The following LRP1B variants were observed in gnomAD, a reference collection of about 807,000 sequenced individuals.
LRP1B encodes the protein low-density lipoprotein receptor-related protein 1B.
In LRP1B, 217 loss-of-function variants were observed where a neutral mutation model predicts 556.6. The ratio of observed to expected loss-of-function variants is 0.39; its 90% CI spans 0.35 to 0.44. The LOEUF (loss-of-function observed/expected upper bound fraction) is 0.44, where lower values mean the gene tolerates loss of function less well. Among genes scored for constraint, LRP1B ranks in the 20% least tolerant of loss-of-function variants. The pLI, the probability that LRP1B is intolerant of heterozygous loss-of-function variation, is 1.00. For missense variants in LRP1B, 5,053 were observed against 5,620.8 expected, an observed-to-expected ratio of 0.90 and a Z score of 3.23; for synonymous variants, 2,047 against 1,865.8, an observed-to-expected ratio of 1.10 and a Z score of -2.50.
At chr2:140,378,366 T>C (rs1210045264) in intron 67 of LRP1B, 80 bp from the exon 68 acceptor site, 1 of 718,618 alleles carries the variant, frequency 1.4e-6, no homozygotes. Context: ...TGACATGAGG[T>C]AGCATTAAAG....
intron 72 of LRP1B, among the ~76,000 whole-genome samples, chr2:140,363,233 A>G (rs969276669): frequency 4.0e-5 from 6 of 151,634 alleles, no homozygotes; most frequent in African/African-American, 1.5e-4. Context: ...AATTTCTGGC[A>G]CATAATAGCT....
chr2:140,274,899 T>A (rs1002473585), intron 84 of LRP1B, among the ~76,000 whole-genome samples: 1 of 151,998 alleles, frequency 6.6e-6, no homozygotes, highest in Non-Finnish European at 1.5e-5. Context: ...TTCTTTCTAA[T>A]GAACAACGTA....
chr2:141,637,939 A>G (rs1689163063), intron 2 of LRP1B, among the ~76,000 whole-genome samples: 2 of 152,174 alleles, frequency 1.3e-5, no homozygotes, highest in South Asian at 4.1e-4. Flanking sequence ...CTTTAAATAT[A>G]TCTGTAATCC....
intron 18 of LRP1B, among the ~76,000 whole-genome samples, chr2:140,978,570 C>T (rs1696672849): frequency 6.6e-6 from 1 of 151,974 alleles, no homozygotes; most frequent in Non-Finnish European, 1.5e-5. Flanking sequence ...AGTATATTGT[C>T]AAATAGGGTG....
intron 2 of LRP1B, among the ~76,000 whole-genome samples, chr2:141,783,302 G>C (rs1219881223): frequency 6.6e-6 from 1 of 152,050 alleles, no homozygotes; most frequent in Non-Finnish European, 1.5e-5. Flanking sequence ...AGATCAGAGA[G>C]AGAGGAGTTC....
At chr2:142,084,671 C>G (rs534961510) in intron 1 of LRP1B, among the ~76,000 whole-genome samples, 2 of 152,130 alleles carry the variant, frequency 1.3e-5, no homozygotes, top group Admixed American at 6.5e-5. Context: ...CTACTTTTAC[C>G]AATAACATCT....
rs56889775 is a variant in LRP1B, at chr2:140,796,053, ATATC to A, written c.5359+17600_5359+17603del. On this transcript the variant is annotated intron_variant, in intron 32 of 90. Coordinates refer to ENST00000389484, the MANE Select transcript of LRP1B (RefSeq NM_018557.3). ...TATGTAACAATTATGTCCCTGCTCT[ATATC>A]TATCTATCTATCTATCTATGTCTAT... Among the ~76,000 whole-genome samples the A allele has an allele frequency of 2.5e-3, 373 of 151,146 alleles. 5 individuals carry two copies. Among genetic ancestry groups the A allele is most frequent in the African/African-American group, 8.4e-3 (347 of 41,416 alleles).
intron 2 of LRP1B, among the ~76,000 whole-genome samples, chr2:141,766,044 A>G (rs1694722303): frequency 6.6e-6 from 1 of 152,182 alleles, no homozygotes; most frequent in Non-Finnish European, 1.5e-5. Flanking sequence ...CCATTTCTAT[A>G]CCATGCCCTC....
At chr2:141,855,099 G>A (rs1574431181) in intron 1 of LRP1B, among the ~76,000 whole-genome samples, 2 of 152,140 alleles carry the variant, frequency 1.3e-5, no homozygotes, top group South Asian at 4.1e-4. Flanking sequence ...GGAAGAAGGT[G>A]GAGGCTGACC....
chr2:141,535,358 G>C (rs1374790757), intron 2 of LRP1B, among the ~76,000 whole-genome samples: 1 of 151,982 alleles, frequency 6.6e-6, no homozygotes, highest in Non-Finnish European at 1.5e-5. Context: ...TCTGCAGTAT[G>C]GTATTAGTTC....
chr2:142,095,940 C>T (rs1010298179), intron 1 of LRP1B, among the ~76,000 whole-genome samples: 1 of 151,660 alleles, frequency 6.6e-6, no homozygotes, highest in African/African-American at 2.4e-5. Context: ...TTTGTAGTTC[C>T]ATTCAATTCC....
chr2:141,486,164 A>C (rs1189877088), intron 2 of LRP1B, among the ~76,000 whole-genome samples: 1 of 152,150 alleles, frequency 6.6e-6, no homozygotes, highest in Non-Finnish European at 1.5e-5. Context: ...TTGAAAATGT[A>C]ATAACTTAAA....
chr2:141,265,702 T>C (rs1051508959), intron 3 of LRP1B, among the ~76,000 whole-genome samples: 4 of 152,174 alleles, frequency 2.6e-5, no homozygotes, highest in African/African-American at 7.2e-5. Flanking sequence ...AGTAATGAGA[T>C]AGATGTGTGT....
chr2:140,973,360 T>C (rs1184136377), intron 18 of LRP1B, among the ~76,000 whole-genome samples: 1 of 151,978 alleles, frequency 6.6e-6, no homozygotes, highest in Non-Finnish European at 1.5e-5. Context: ...AAGACATCAG[T>C]ACTATGATGG....
intron 2 of LRP1B, among the ~76,000 whole-genome samples, chr2:141,568,948 A>C (rs1301629160): frequency 1.4e-5 from 2 of 148,000 alleles, no homozygotes; most frequent in Admixed American, 1.4e-4. Flanking sequence ...TTATATTTGT[A>C]GTAGAGACAG....
At position 141,522,323 on chromosome 2, in the gene LRP1B, C is replaced by T. The variant is rs192091014; in HGVS notation, c.206-41790G>A. ...TCTTCTTTTCCATTGATGTTTCAGT[C>T]GCATTATGTAAACATCTTCAGTTGA... On this transcript the variant is annotated intron_variant, in intron 2 of 90. Coordinates refer to ENST00000389484, the MANE Select transcript of LRP1B (RefSeq NM_018557.3). Among the ~76,000 whole-genome samples, 188 of 152,122 alleles carry T rather than the reference C, an allele frequency of 1.2e-3. 1 individual carries two copies. Among genetic ancestry groups the T allele is most frequent in the Non-Finnish European group, 1.2e-4 (8 of 67,992 alleles).
At chr2:141,033,061 T>C (rs1324833954) in intron 11 of LRP1B, among the ~76,000 whole-genome samples, 1 of 151,586 alleles carries the variant, frequency 6.6e-6, no homozygotes, top group Middle Eastern at 3.2e-3. Flanking sequence ...GAGGTAACAT[T>C]TGGAGTGAGC....
chr2:140,460,637 T>A (rs1687280038), intron 60 of LRP1B, among the ~76,000 whole-genome samples: 1 of 152,178 alleles, frequency 6.6e-6, no homozygotes, highest in Non-Finnish European at 1.5e-5. Context: ...TTTACAGGTA[T>A]TCAGTAGACA....
chr2:141,430,179 T>A (rs923314178), intron 3 of LRP1B, among the ~76,000 whole-genome samples: 2 of 127,122 alleles, frequency 1.6e-5, no homozygotes, highest in African/African-American at 5.6e-5. Flanking sequence ...GCAGTGTCTA[T>A]TACAGATTTC....
Sources: allele counts gnomAD v4.1 joint callset (sites outside exome capture counted in the v4.1 genomes callset), GRCh38; gene constraint gnomAD v4.1.1; transcripts MANE v1.5; gene names NCBI Gene and HGNC (gene_info 2026-07-23, HGNC 2026-07-21).